Variants in LRBA observed in about 807,000 individuals in gnomAD.
LRBA encodes the protein LPS responsive beige-like anchor protein.
Under a neutral mutation model 330.0 loss-of-function variants are expected in LRBA, and 176 were observed. The ratio of observed to expected loss-of-function variants is 0.53; its 90% CI spans 0.47 to 0.60. The LOEUF (loss-of-function observed/expected upper bound fraction) is 0.60. Ranked by LOEUF, LRBA falls within the 20% of genes least tolerant of loss-of-function variation. LRBA has a pLI of 0.00. For missense variants in LRBA, 3,259 were observed against 3,444.8 expected, an observed-to-expected ratio of 0.95 and a Z score of 1.35; for synonymous variants, 1,230 against 1,193.0, an observed-to-expected ratio of 1.03 and a Z score of -0.64.
intron 49 of LRBA, among the ~76,000 whole-genome samples, chr4:150,322,857 G>T (rs1732705322): frequency 6.6e-6 from 1 of 152,190 alleles, no homozygotes; most frequent in South Asian, 2.1e-4. Context: ...AACACAGGGG[G>T]ATACAGCAAC....
intron 34 of LRBA, among the ~76,000 whole-genome samples, chr4:150,765,053 G>T (rs1395168574): frequency 6.6e-6 from 1 of 151,156 alleles, no homozygotes; most frequent in Non-Finnish European, 1.5e-5. Flanking sequence ...ATAAATTGTG[G>T]TACAACCAGA....
intron 40 of LRBA, among the ~76,000 whole-genome samples, chr4:150,556,269 A>T (rs2152258882): frequency 6.6e-6 from 1 of 152,314 alleles, no homozygotes. Context: ...CAAAAAACTA[A>T]ATTTAAAAAC....
intron 33 of LRBA, among the ~76,000 whole-genome samples, chr4:150,801,855 A>G (rs1464755481): frequency 1.3e-5 from 2 of 151,966 alleles, no homozygotes; most frequent in Non-Finnish European, 2.9e-5. Flanking sequence ...CCCCATTGAG[A>G]CTGCAAGTTT....
chr4:150,390,369 A>C (rs193167806), intron 47 of LRBA, among the ~76,000 whole-genome samples: 106 of 152,254 alleles, frequency 7.0e-4, no homozygotes, highest in Non-Finnish European at 1.3e-3. Context: ...TTTCTTACTA[A>C]AACATCTGCC....
At chr4:150,901,294 C>CA (rs1304676251) in intron 13 of LRBA, among the ~76,000 whole-genome samples, 9 of 69,732 alleles carry the variant, frequency 1.3e-4, no homozygotes, top group African/African-American at 1.9e-4. Flanking sequence ...GACCCTGCCT[C>CA]AAAAAAAACA....
intron 18 of LRBA, 98 bp downstream of exon 18, chr4:150,872,560 TAAAAG>T: frequency 1.4e-6 from 1 of 697,572 alleles, no homozygotes; most frequent in Non-Finnish European, 2.4e-6. Flanking sequence ...TGAATAAAAA[TAAAAG>T]AAAAACTAGA....
chr4:150,453,011 G>A (rs922751702), intron 44 of LRBA, among the ~76,000 whole-genome samples: 3 of 152,160 alleles, frequency 2.0e-5, no homozygotes, highest in African/African-American at 7.2e-5. Flanking sequence ...AGAATTGTAT[G>A]CTAAAAGCTA....
chr4:150,984,335 C>G (rs1392830341), intron 2 of LRBA, among the ~76,000 whole-genome samples: 1 of 152,080 alleles, frequency 6.6e-6, no homozygotes, highest in Non-Finnish European at 1.5e-5. Context: ...CATGGAGAAA[C>G]CCCATCTCTA....
chr4:150,490,077 G>T (rs975716397), intron 41 of LRBA, among the ~76,000 whole-genome samples: 1 of 151,580 alleles, frequency 6.6e-6, no homozygotes, highest in African/African-American at 2.4e-5. Flanking sequence ...TTGCCTAGAA[G>T]AATAATGTTT....
chr4:150,610,196 G>C (rs984307191), intron 37 of LRBA, among the ~76,000 whole-genome samples: 1 of 152,186 alleles, frequency 6.6e-6, no homozygotes, highest in African/African-American at 2.4e-5. Flanking sequence ...AGGTCCAGCT[G>C]AGTTTGGAAA....
At chr4:150,917,185 A>C (rs1163606875) in intron 5 of LRBA, among the ~76,000 whole-genome samples, 1 of 151,646 alleles carries the variant, frequency 6.6e-6, no homozygotes, top group Non-Finnish European at 1.5e-5. Flanking sequence ...CTGAAAGAAG[A>C]CTCTTTATCT....
At chr4:150,577,674 T>C (rs1215568828) in intron 40 of LRBA, among the ~76,000 whole-genome samples, 1 of 152,154 alleles carries the variant, frequency 6.6e-6, no homozygotes, top group Non-Finnish European at 1.5e-5. Flanking sequence ...CTAAAATTTG[T>C]TTACTCTTTA....
chr4:150,979,161 G>A (rs573901982), intron 2 of LRBA, among the ~76,000 whole-genome samples: 16 of 152,062 alleles, frequency 1.1e-4, no homozygotes, highest in Non-Finnish European at 2.1e-4. Flanking sequence ...AACAAATAAC[G>A]TACAATGGAG....
chr4:150,270,384 A>G (rs958462547), intron 56 of LRBA, among the ~76,000 whole-genome samples: 2 of 152,242 alleles, frequency 1.3e-5, no homozygotes, highest in Non-Finnish European at 2.9e-5. Context: ...GATACGTGCT[A>G]CGACATGCAA....
At chr4:150,438,102 T>G (rs906358457) in intron 44 of LRBA, among the ~76,000 whole-genome samples, 3 of 152,242 alleles carry the variant, frequency 2.0e-5, no homozygotes, top group Admixed American at 6.5e-5. Context: ...AAAAACATTC[T>G]GATCTCTAGA....
intron 35 of LRBA, among the ~76,000 whole-genome samples, chr4:150,760,893 T>G (rs1734975379): frequency 6.6e-6 from 1 of 152,198 alleles, no homozygotes; most frequent in South Asian, 2.1e-4. Flanking sequence ...TCAAATAAAG[T>G]TACGAATACT....
intron 40 of LRBA, among the ~76,000 whole-genome samples, chr4:150,574,641 C>G (rs1214905642): frequency 1.3e-5 from 2 of 151,968 alleles, no homozygotes; most frequent in Admixed American, 1.3e-4. Flanking sequence ...TAGCAACCAC[C>G]TTACATTTAA....
chr4:150,856,889 A>G (rs572488101), intron 22 of LRBA, among the ~76,000 whole-genome samples: 2 of 152,322 alleles, frequency 1.3e-5, no homozygotes, highest in South Asian at 2.1e-4. Context: ...GCTAATGACT[A>G]TAACATTTCT....
At chr4:150,612,964 A>C (rs2126586092) in intron 37 of LRBA, among the ~76,000 whole-genome samples, 1 of 152,286 alleles carries the variant, frequency 6.6e-6, no homozygotes, top group South Asian at 2.1e-4. Flanking sequence ...TTGATACACA[A>C]AGAAGACGAT....
Sources: gnomAD v4.1 joint callset for allele counts (sites outside exome capture counted in the v4.1 genomes callset) on GRCh38, gnomAD v4.1.1 for gene constraint, MANE v1.5 for transcripts, NCBI Gene and HGNC (gene_info 2026-07-23, HGNC 2026-07-21) for gene names.